The following AFF3 variants were observed in gnomAD, a reference collection of about 807,000 sequenced individuals.
AFF3 encodes AF4/FMR2 family member 3.
A neutral mutation model predicts 129.7 loss-of-function variants in AFF3; 32 were observed. That is an observed-to-expected ratio of 0.25 (90% CI 0.19 to 0.33). AFF3 has a LOEUF of 0.33. Among genes scored for constraint, AFF3 ranks in the 10% least tolerant of loss-of-function variants. AFF3 has a pLI of 1.00. For missense variants in AFF3, 1,373 were observed against 1,592.0 expected (o/e 0.86, Z 2.34); for synonymous variants, 644 against 635.4 (o/e 1.01, Z -0.20).
chr2:99,715,119 G>C (rs1402017130), intron 11 of AFF3, among the ~76,000 whole-genome samples: 1 of 152,166 alleles, frequency 6.6e-6, no homozygotes, highest in African/African-American at 2.4e-5. Flanking sequence ...CTTGCTGATG[G>C]TCCTACTCTT....
intron 2 of AFF3, among the ~76,000 whole-genome samples, chr2:100,119,934 G>T (rs1045925868): frequency 3.9e-5 from 6 of 152,240 alleles, no homozygotes; most frequent in Non-Finnish European, 8.8e-5. Context: ...TTAGAATGGA[G>T]TAGATTACGC....
At chr2:99,862,183 C>T (rs1013381481) in intron 7 of AFF3, among the ~76,000 whole-genome samples, 2 of 151,874 alleles carry the variant, frequency 1.3e-5, no homozygotes, top group African/African-American at 2.4e-5. Context: ...AATATCTATA[C>T]TTCCTATTTT....
At chr2:100,128,784 G>C (rs1349855110) in intron 2 of AFF3, among the ~76,000 whole-genome samples, 1 of 152,182 alleles carries the variant, frequency 6.6e-6, no homozygotes, top group Non-Finnish European at 1.5e-5. Context: ...CTGTCAAAAG[G>C]TTTCGTTGCC....
chr2:99,846,446 C>G (rs1412914164), intron 7 of AFF3, among the ~76,000 whole-genome samples: 1 of 152,212 alleles, frequency 6.6e-6, no homozygotes, highest in Non-Finnish European at 1.5e-5. Context: ...TTTCCTGAAT[C>G]TTTATACAAT....
chr2:99,706,365 C>T (rs1251412453), intron 11 of AFF3, among the ~76,000 whole-genome samples: 1 of 152,204 alleles, frequency 6.6e-6, no homozygotes, highest in Non-Finnish European at 1.5e-5. Flanking sequence ...ATTAACTTTA[C>T]ACTTTTCTCC....
intron 7 of AFF3, among the ~76,000 whole-genome samples, chr2:99,865,648 A>G (rs1357447472): frequency 1.3e-5 from 2 of 152,256 alleles, no homozygotes; most frequent in Non-Finnish European, 2.9e-5. Context: ...GTTGGGAGCC[A>G]TCAAAGAAGC....
At chr2:99,601,109 C>T (rs1431372786) in intron 14 of AFF3, among the ~76,000 whole-genome samples, 4 of 152,208 alleles carry the variant, frequency 2.6e-5, no homozygotes, top group African/African-American at 9.6e-5. Flanking sequence ...ACTGCCCTGG[C>T]TGACCCCAAG....
At chr2:100,118,059 G>A (rs2105548163) in intron 2 of AFF3, among the ~76,000 whole-genome samples, 1 of 152,270 alleles carries the variant, frequency 6.6e-6, no homozygotes, top group East Asian at 1.9e-4. Context: ...GCCACCAGGG[G>A]AAAAGTGATC....
intron 4 of AFF3, among the ~76,000 whole-genome samples, chr2:100,082,242 C>T (rs867456814): frequency 2.0e-5 from 3 of 151,890 alleles, no homozygotes; most frequent in Non-Finnish European, 2.9e-5. Context: ...TACGAACAAA[C>T]GAATGAATGA....
At chr2:100,056,158 C>T (rs1255727501) in intron 4 of AFF3, among the ~76,000 whole-genome samples, 1 of 151,740 alleles carries the variant, frequency 6.6e-6, no homozygotes, top group Non-Finnish European at 1.5e-5. Context: ...ACGCTAGTCA[C>T]ATCTCTCCAT....
intron 2 of AFF3, among the ~76,000 whole-genome samples, chr2:100,120,237 C>T (rs1055363783): frequency 1.3e-5 from 2 of 152,174 alleles, no homozygotes; most frequent in Non-Finnish European, 1.5e-5. Context: ...TATGTATTTC[C>T]ACAGGATCTC....
chr2:99,672,111 G>A (rs9679481), intron 12 of AFF3, among the ~76,000 whole-genome samples: 121,715 of 150,472 alleles, frequency 0.81, 49,236 homozygotes, highest in South Asian at 0.9. Flanking sequence ...TTAATGTTAC[G>A]GATTGCCTGT....
At chr2:100,086,949 T>A (rs909073681) in intron 4 of AFF3, among the ~76,000 whole-genome samples, 8 of 152,232 alleles carry the variant, frequency 5.3e-5, no homozygotes, top group Non-Finnish European at 1.0e-4. Flanking sequence ...AAAATGAAGC[T>A]TTGGAGAAGG....
intron 4 of AFF3, among the ~76,000 whole-genome samples, chr2:100,065,938 A>T (rs1687688256): frequency 6.6e-6 from 1 of 152,242 alleles, no homozygotes; most frequent in Admixed American, 6.5e-5. Context: ...CAATCATGCC[A>T]GCAGACAGCT....
At chr2:99,712,869 T>A (rs1031245719) in intron 11 of AFF3, among the ~76,000 whole-genome samples, 3 of 152,162 alleles carry the variant, frequency 2.0e-5, no homozygotes, top group Admixed American at 6.5e-5. Context: ...ATAAACAAAA[T>A]GTGGTCTGTA....
In AFF3 at chr2:99,903,086, C is replaced by T. The variant is rs555898172; in HGVS notation, c.874-65562G>A. On this transcript the variant is annotated intron_variant, in intron 7 of 24. Transcript: ENST00000672756. ...GAATAAGTAAATAGTTGCTTAGGTACACCAGCATATATGTATAATATTATT... is the reference window on the plus strand; with the variant it reads ...GAATAAGTAAATAGTTGCTTAGGTATACCAGCATATATGTATAATATTATT... Among the ~76,000 whole-genome samples the T allele has an allele frequency of 2.0e-5, 3 of 152,194 alleles. No homozygotes were observed. In the South Asian group the frequency reaches 6.2e-4, roughly 32 times the overall value.
chr2:99,653,047 G>A (rs562644845), intron 12 of AFF3, among the ~76,000 whole-genome samples: 1 of 152,288 alleles, frequency 6.6e-6, no homozygotes, highest in South Asian at 2.1e-4. Context: ...AGAGCATGCT[G>A]ATAAAACGCA....
intron 8 of AFF3, among the ~76,000 whole-genome samples, chr2:99,762,450 G>C (rs1682694511): frequency 6.6e-6 from 1 of 152,070 alleles, no homozygotes; most frequent in Admixed American, 6.6e-5. Flanking sequence ...GCAACTACAT[G>C]CTACTCAGTG....
intron 8 of AFF3, among the ~76,000 whole-genome samples, chr2:99,820,699 T>C (rs1268489723): frequency 4.1e-5 from 4 of 98,404 alleles, no homozygotes; most frequent in Admixed American, 1.0e-4. Context: ...GTACAACACA[T>C]TGTACAAAAA....
Sources: allele counts gnomAD v4.1 joint callset (sites outside exome capture counted in the v4.1 genomes callset), GRCh38; gene constraint gnomAD v4.1.1; transcripts MANE v1.5; gene names NCBI Gene and HGNC (gene_info 2026-07-23, HGNC 2026-07-21).